The following ZFP1 variants were observed in gnomAD, a reference collection of about 807,000 sequenced individuals.
ZFP1 encodes ZFP1 zinc finger protein.
Under a neutral mutation model 38.5 loss-of-function variants are expected in ZFP1, and 32 were observed. The observed-to-expected ratio is 0.83, with a 90% CI of 0.63 to 1.12. The LOEUF (loss-of-function observed/expected upper bound fraction) is 1.12, where lower values mean the gene tolerates loss of function less well. Among genes scored for constraint, ZFP1 ranks in the 50% most tolerant of loss-of-function variants. The probability of loss-of-function intolerance (pLI) is 0.00; values close to 1 mark genes in which losing one functional copy is unlikely to be tolerated. For missense variants in ZFP1, 616 were observed against 480.8 expected, an observed-to-expected ratio of 1.28 and a Z score of -2.63; for synonymous variants, 245 against 168.8, an observed-to-expected ratio of 1.45 and a Z score of -3.50.
chr16:75,147,775 G>A (rs866456717), upstream of ZFP1, among the ~76,000 whole-genome samples: 1 of 152,146 alleles, frequency 6.6e-6, no homozygotes, highest in African/African-American at 2.4e-5. Context: ...GAGGGTGAAG[G>A]GAAATGGGAA....
the ZFP1 span, among the ~76,000 whole-genome samples, chr16:75,121,421 G>A: frequency 7.4e-4 from 113 of 152,034 alleles, no homozygotes; most frequent in African/African-American, 2.4e-3. Context: ...CACCACACCC[G>A]GCAAATTTCT....
chr16:75,146,044 A>G (rs1410661890), upstream of ZFP1, among the ~76,000 whole-genome samples: 1 of 152,112 alleles, frequency 6.6e-6, no homozygotes, highest in African/African-American at 2.4e-5. Context: ...TCCCCCTCCC[A>G]TAAGGGGTTT....
chr16:75,169,642 A>T lies in ZFP1; in HGVS notation c.532A>T (p.Lys178Ter). Residue 178 changes from lysine to a stop codon, truncating the protein, a stop_gained, in exon 4 of 4, where the codon AAA becomes TAA. Transcript: ENST00000570010. LOFTEE classifies it high-confidence loss of function. The stretch of plus-strand genomic sequence containing the variant: ...AGCCATTTTTAAACATCAGAAAATA[A>T]AAAACTTGGTTCAACCTTTCATTTG... ...KAAIFKHQKIKNLVQPFICTY... is the reference protein window; with the variant it reads ...KAAIFKHQKI 6.3e-7 allele frequency: 1 copy of T among 1,594,108 alleles called. No individual in the cohort carries two copies. The highest frequency in any genetic ancestry group is 8.5e-7 in the Non-Finnish European group (1 of 1,174,610).
At chr16:75,130,566 T>C in the ZFP1 span, among the ~76,000 whole-genome samples, 8 of 152,280 alleles carry the variant, frequency 5.3e-5, no homozygotes, top group Admixed American at 4.6e-4. Flanking sequence ...ACCCAACTCC[T>C]GAGATCTTAT....
At chr16:75,136,807 G>C in the ZFP1 span, among the ~76,000 whole-genome samples, 2 of 152,082 alleles carry the variant, frequency 1.3e-5, no homozygotes, top group Admixed American at 1.3e-4. Flanking sequence ...GGAGTTCAAG[G>C]CTGCAGTGAG....
chr16:75,128,636 T>G, the ZFP1 span, among the ~76,000 whole-genome samples: 3 of 152,338 alleles, frequency 2.0e-5, no homozygotes, highest in South Asian at 6.2e-4. Flanking sequence ...TTCAAATTTT[T>G]CCTTCTTTTT....
the ZFP1 span, among the ~76,000 whole-genome samples, chr16:75,124,656 A>G: frequency 4.7e-5 from 7 of 150,284 alleles, no homozygotes; most frequent in East Asian, 1.2e-3. Context: ...ACGTGGCGGC[A>G]GGCGCCTGTA....
chr16:75,168,803 T>C (rs1328570151), intron 3 of ZFP1, among the ~76,000 whole-genome samples: 1 of 152,180 alleles, frequency 6.6e-6, no homozygotes, highest in South Asian at 2.1e-4. Context: ...ACCATAGTAG[T>C]CCGAGTTTAG....
Position 75,169,940 on chromosome 16 carries a change from T to A in ZFP1, c.830T>A (p.Phe277Tyr). 2 of 1,614,146 alleles carry A rather than the reference T, an allele frequency of 1.2e-6. No homozygotes were observed. Among genetic ancestry groups the A allele is most frequent in the Non-Finnish European group, 1.7e-6 (2 of 1,180,030 alleles). ...GAGTGCAGTGAATGTGGAAAGACAT[T>A]TGCCCAAAAGTTTGAACTCACCACA... ...PYECSECGKT[F>Y]AQKFELTTHQ... is the part of the protein sequence containing the mutation. Residue 277 changes from phenylalanine to tyrosine, a missense_variant, in exon 4 of 4, where the codon TTT becomes TAT. Physicochemically the swap from Phe to Tyr is conservative, Grantham distance 22. Transcript: ENST00000570010.
intron 2 of ZFP1, among the ~76,000 whole-genome samples, chr16:75,154,606 G>C (rs1201236501): frequency 6.9e-6 from 1 of 144,586 alleles, no homozygotes; most frequent in Admixed American, 7.0e-5. Flanking sequence ...GTTTTAAGGA[G>C]CGGAAAGTTT....
rs371254990 is a variant in ZFP1, at chr16:75,164,728, G to T, written c.16-2042G>T. 5.3e-5 allele frequency among the ~76,000 whole-genome samples: 8 copies of T among 152,088 alleles called. No homozygotes were observed. The East Asian group carries it at 1.5e-3, about 29-fold the overall frequency. On this transcript the variant is annotated intron_variant, in intron 2 of 3. Coordinates refer to ENST00000570010, the MANE Select transcript of ZFP1 (RefSeq NM_153688.4). ...ATGGTTTTTAATTTTAATGGTTGAG[G>T]GGGGGAATATCAAAAGAATATTTTG...
At chr16:75,151,011 C>G (rs1239314739) in intron 1 of ZFP1, among the ~76,000 whole-genome samples, 2 of 152,012 alleles carry the variant, frequency 1.3e-5, no homozygotes, top group Non-Finnish European at 2.9e-5. Context: ...GTGTGAGCCA[C>G]CACACTCAGC....
intron 2 of ZFP1, among the ~76,000 whole-genome samples, chr16:75,164,924 G>C (rs984209572): frequency 2.0e-5 from 3 of 152,042 alleles, no homozygotes; most frequent in Non-Finnish European, 2.9e-5. Context: ...TCCTGCCTCA[G>C]CCTCCTGAGT....
the ZFP1 span, among the ~76,000 whole-genome samples, chr16:75,126,585 G>T: frequency 6.6e-6 from 1 of 151,016 alleles, no homozygotes; most frequent in Non-Finnish European, 1.5e-5. Context: ...TGTATTTTTA[G>T]TAGAGATGGG....
At chr16:75,139,299 T>G in the ZFP1 span, among the ~76,000 whole-genome samples, 10,990 of 124,952 alleles carry the variant, frequency 0.088, 1,376 homozygotes, top group African/African-American at 0.29. Flanking sequence ...AACCCAGGAG[T>G]CGGAGCTTGC....
the ZFP1 span, among the ~76,000 whole-genome samples, chr16:75,130,677 C>T: frequency 1.3e-5 from 2 of 152,202 alleles, no homozygotes; most frequent in Non-Finnish European, 2.9e-5. Context: ...AACAGTGTAA[C>T]TGCCTGACCA....
chr16:75,155,035 G>C (rs1169301395), intron 2 of ZFP1, among the ~76,000 whole-genome samples: 1 of 152,154 alleles, frequency 6.6e-6, no homozygotes, highest in Non-Finnish European at 1.5e-5. Flanking sequence ...CTGGGCTCAA[G>C]TGATCCACCC....
the ZFP1 span, among the ~76,000 whole-genome samples, chr16:75,142,443 T>C: frequency 1.3e-5 from 2 of 152,140 alleles, no homozygotes; most frequent in Non-Finnish European, 2.9e-5. Flanking sequence ...TAAGACCAGT[T>C]GGACCTAGTA....
rs1384520086 is a variant in ZFP1 at position 75,169,942 on chromosome 16, G to T, written c.832G>T (p.Ala278Ser). 1.9e-6 allele frequency: 3 copies of T among 1,614,054 alleles called. No individual in the cohort carries two copies. Among genetic ancestry groups the T allele is most frequent in the East Asian group, 2.2e-5 (1 of 44,882 alleles). Reference protein sequence around the residue: ...YECSECGKTFAQKFELTTHQR... With the variant: ...YECSECGKTFSQKFELTTHQR... ...GTGCAGTGAATGTGGAAAGACATTT[G>T]CCCAAAAGTTTGAACTCACCACACA... The change falls in exon 4 of 4, where the codon GCC (alanine) becomes TCC (serine). Residue 278 changes from alanine (A) to serine (S), a missense_variant. By Grantham distance (99) the Ala-to-Ser change is moderately conservative (BLOSUM62 1). Transcript: ENST00000570010.
Sources: allele counts gnomAD v4.1 joint callset (sites outside exome capture counted in the v4.1 genomes callset), GRCh38; gene constraint gnomAD v4.1.1; transcripts MANE v1.5; gene names NCBI Gene and HGNC (gene_info 2026-07-23, HGNC 2026-07-21).